Variants in PAPOLG observed in about 807,000 individuals in gnomAD.
PAPOLG encodes poly(A) polymerase gamma.
Under a neutral mutation model 99.0 loss-of-function variants are expected in PAPOLG, and 40 were observed. The ratio of observed to expected loss-of-function variants is 0.40; its 90% confidence interval spans 0.31 to 0.53. PAPOLG has a LOEUF of 0.53. Ranked by LOEUF, PAPOLG falls within the 20% of genes least tolerant of loss-of-function variation. The pLI, the probability that PAPOLG is intolerant of heterozygous loss-of-function variation, is 0.41. For missense variants in PAPOLG, 675 were observed against 884.1 expected, an observed-to-expected ratio of 0.76 and a Z score of 3.00; for synonymous variants, 310 against 299.3, an observed-to-expected ratio of 1.04 and a Z score of -0.37.
At chr2:60,782,551 T>C (rs550866181) in intron 11 of PAPOLG, 135 bp from the exon 12 acceptor site, 100 of 1,290,440 alleles carry the variant, frequency 7.7e-5, no homozygotes, top group Admixed American at 1.3e-4. Flanking sequence ...AGTGAGACTC[T>C]GTCTCAAAAA....
Position 60,800,842 on chromosome 2 carries a change from AT to A in PAPOLG, c.*3686del, listed in dbSNP as rs1671821776. ...TTGAATAATCCTGGAATATTATATA[AT>A]TTTCTACTTTTGATTTTGCTGTGGT... On this transcript the variant is annotated 3_prime_UTR_variant, in exon 22 of 22. Transcript: ENST00000238714. The A allele has an allele frequency of 6.6e-6, 1 of 152,160 alleles. No homozygotes were observed. Among genetic ancestry groups the A allele is most frequent in the Non-Finnish European group, 1.5e-5 (1 of 68,008 alleles). 9.4% of individuals were successfully genotyped at this position (152,160 alleles called of 1,614,324 possible).
intron 13 of PAPOLG, among the ~76,000 whole-genome samples, chr2:60,785,429 G>A (rs990321332): frequency 7.9e-5 from 12 of 152,108 alleles, no homozygotes; most frequent in Admixed American, 6.6e-4. Context: ...TAGCCACCGT[G>A]CCCAGCCCGT....
In PAPOLG at chr2:60,801,037, G is replaced by A. The variant is rs944850408; in HGVS notation, c.*3877G>A. On this transcript the variant is annotated 3_prime_UTR_variant, in exon 22 of 22. Transcript: ENST00000238714. ...GATGGCCTCATGATAACTTAGATTC[G>A]TTAACAGGGTCAAACTTTAGTTCAA... The A allele has an allele frequency of 4.6e-5, 7 of 152,208 alleles. No individual in the cohort carries two copies. The highest frequency in any genetic ancestry group is 1.7e-4 in the African/African-American group (7 of 41,388). The allele number at this position is 152,208 out of a possible 1,614,324, so 9.4% of individuals were successfully genotyped here.
At position 60,794,789 on chromosome 2, in the gene PAPOLG, T is replaced by C; in HGVS notation, c.2055+14T>C. ...AGAAAATCAGTGGTAAATATATTAATAGTGTGCTTCAGAATATTTATTGTA... is the reference window on the plus strand; with the variant it reads ...AGAAAATCAGTGGTAAATATATTAACAGTGTGCTTCAGAATATTTATTGTA... On this transcript the variant is annotated intron_variant, in intron 20 of 21. Coordinates refer to ENST00000238714, the MANE Select transcript of PAPOLG (RefSeq NM_022894.4). 1 of 1,582,738 alleles carries C rather than the reference T, an allele frequency of 6.3e-7. No individual in the cohort carries two copies. The highest frequency in any genetic ancestry group is 8.7e-7 in the Non-Finnish European group (1 of 1,151,984).
chr2:60,783,214 G>C lies in PAPOLG; in HGVS notation c.1166+5G>C. The C allele has an allele frequency of 1.3e-6, 2 of 1,553,212 alleles. No homozygotes were observed. Among genetic ancestry groups the C allele is most frequent in the Non-Finnish European group, 8.7e-7 (1 of 1,142,894 alleles). ...AGAAGAAAACCATCTAGAGTGGTAA[G>C]ACTTCTATTTCAAGTTTTCTACCTA... On this transcript the variant is annotated splice_donor_5th_base_variant and intron_variant, in intron 13 of 21. Transcript: ENST00000238714.
intron 21 of PAPOLG, 45 bp downstream of exon 21, chr2:60,795,065 C>T (rs1460492870): frequency 6.7e-7 from 1 of 1,487,694 alleles, no homozygotes; most frequent in Non-Finnish European, 9.3e-7. Context: ...TAGGTAAAAA[C>T]TCATAGGTAA....
At position 60,793,374 on chromosome 2, in the gene PAPOLG, A is replaced by G. The variant is rs531123475; in HGVS notation, c.1680-253A>G. On this transcript the variant is annotated intron_variant, in intron 17 of 21. Transcript: ENST00000238714. ...GGAGTTCAAGACCAGCCTGGGCAAC[A>G]TAGTGAGATCCTGTCTCCACAAAAA... Among the ~76,000 whole-genome samples the G allele has an allele frequency of 9.9e-5, 15 of 152,166 alleles. No individual in the cohort carries two copies. In the South Asian group the frequency reaches 2.9e-3, roughly 29 times the overall value.
chr2:60,761,656 C>A, intron 2 of PAPOLG, 85 bp from the exon 3 acceptor site: 1 of 1,174,472 alleles, frequency 8.5e-7, no homozygotes, highest in Non-Finnish European at 1.2e-6. Context: ...AGCATCAACA[C>A]AAAGGGTACT....
chr2:60,757,846 C>T (rs1172316283), intron 1 of PAPOLG, among the ~76,000 whole-genome samples: 1 of 152,146 alleles, frequency 6.6e-6, no homozygotes, highest in African/African-American at 2.4e-5. Flanking sequence ...TTTCCCCTCC[C>T]CTCTAGATGG....
intron 8 of PAPOLG, 117 bp from the exon 9 acceptor site, chr2:60,779,520 A>G (rs777358329): frequency 2.2e-5 from 26 of 1,204,196 alleles, no homozygotes; most frequent in Non-Finnish European, 2.8e-5. Flanking sequence ...CGTCTTATGA[A>G]TAAAGTTACC....
intron 13 of PAPOLG, among the ~76,000 whole-genome samples, chr2:60,783,953 A>G (rs1671280435): frequency 6.6e-6 from 1 of 152,124 alleles, no homozygotes; most frequent in South Asian, 2.1e-4. Context: ...GATAGCTACC[A>G]TCTGAGTTTC....
At chr2:60,756,761 A>G (rs1387094076) in intron 1 of PAPOLG, among the ~76,000 whole-genome samples, 1 of 152,170 alleles carries the variant, frequency 6.6e-6, no homozygotes, top group East Asian at 1.9e-4. Flanking sequence ...GAGGAGGGAA[A>G]GAGGTGCCTG....
intron 15 of PAPOLG, chr2:60,791,368 T>C (rs1487909835): frequency 6.3e-6 from 1 of 159,536 alleles, no homozygotes; most frequent in Non-Finnish European, 1.4e-5. Context: ...CTGACCAACA[T>C]GGAGAAACCC....
intron 3 of PAPOLG, among the ~76,000 whole-genome samples, chr2:60,762,365 A>T (rs1305586837): frequency 6.6e-6 from 1 of 151,926 alleles, no homozygotes; most frequent in Non-Finnish European, 1.5e-5. Context: ...TTTTTCCTGA[A>T]ATTGATTACA....
chr2:60,769,039 G>T, intron 5 of PAPOLG, 149 bp downstream of exon 5: 1 of 653,012 alleles, frequency 1.5e-6, no homozygotes, highest in Non-Finnish European at 2.5e-6. Flanking sequence ...ATTAAATCAT[G>T]ATTAAGAACA....
chr2:60,777,904 A>T lies in PAPOLG; in HGVS notation c.695-1733A>T, dbSNP rs369273449. ...GCCCCAAAACAATTACAATAGTAAC[A>T]TCAAAGATCACTAATCACAAATCAC... On this transcript the variant is annotated intron_variant, in intron 8 of 21. Coordinates refer to ENST00000238714, the MANE Select transcript of PAPOLG (RefSeq NM_022894.4). Among the ~76,000 whole-genome samples, 292 of 152,344 alleles carry T rather than the reference A, an allele frequency of 1.9e-3. 10 individuals carry two copies. The South Asian group carries it at 0.055, about 29-fold the overall frequency.
chr2:60,791,707 A>G, intron 15 of PAPOLG, 54 bp from the exon 16 acceptor site: 1 of 1,552,104 alleles, frequency 6.4e-7, no homozygotes, highest in Non-Finnish European at 8.7e-7. Flanking sequence ...AAAATTAGGC[A>G]GAACCCTTGG....
At position 60,798,221 on chromosome 2, in the gene PAPOLG, T is replaced by C. The variant is rs1671768929; in HGVS notation, c.*1061T>C. On this transcript the variant is annotated 3_prime_UTR_variant, in exon 22 of 22. Transcript: ENST00000238714. ...GAATGACATTGTTACCAACCATTAA[T>C]TGGCTCAGGACCTTTGTAATTTTTA... is the stretch of plus-strand genomic sequence containing the variant. 6.5e-6 allele frequency: 1 copy of C among 152,796 alleles called. No homozygotes were observed. Among genetic ancestry groups the C allele is most frequent in the Non-Finnish European group, 1.5e-5 (1 of 68,040 alleles). 9.5% of individuals were successfully genotyped at this position (152,796 alleles called of 1,614,324 possible).
intron 12 of PAPOLG, 25 bp from the exon 13 acceptor site, chr2:60,783,131 C>G: frequency 6.5e-7 from 1 of 1,539,416 alleles, no homozygotes. Context: ...GCTTTTTTTC[C>G]TGATTGTTGC....
Sources: gnomAD v4.1 joint callset for allele counts (sites outside exome capture counted in the v4.1 genomes callset) on GRCh38, gnomAD v4.1.1 for gene constraint, MANE v1.5 for transcripts, NCBI Gene and HGNC (gene_info 2026-07-23, HGNC 2026-07-21) for gene names.